RGS7: variants seen among roughly 807,000 people sequenced by gnomAD.
RGS7 encodes the protein regulator of G-protein signaling 7.
A neutral mutation model predicts 81.1 loss-of-function variants in RGS7; 27 were observed. That is an observed-to-expected ratio of 0.33 (90% CI 0.25 to 0.46). The LOEUF (loss-of-function observed/expected upper bound fraction) is 0.46, where lower values mean the gene tolerates loss of function less well. Among genes scored for constraint, RGS7 ranks in the 20% least tolerant of loss-of-function variants. The pLI is 1.00. For missense variants in RGS7, 396 were observed against 607.4 expected (o/e 0.65, Z 3.66); for synonymous variants, 208 against 207.7 (o/e 1.00, Z -0.01).
At chr1:241,288,842 T>G (rs1156448195) in intron 2 of RGS7, among the ~76,000 whole-genome samples, 1 of 152,164 alleles carries the variant, frequency 6.6e-6, no homozygotes, top group East Asian at 1.9e-4. Flanking sequence ...TGTTCCATGT[T>G]CAATGAGAGA....
At chr1:240,834,491 T>C (rs1373728770) in intron 9 of RGS7, among the ~76,000 whole-genome samples, 1 of 152,072 alleles carries the variant, frequency 6.6e-6, no homozygotes, top group Non-Finnish European at 1.5e-5. Flanking sequence ...TTTAATTCTT[T>C]ATTTTTATTT....
In RGS7 at chr1:241,013,028, A is replaced by G. The variant is rs74149580; in HGVS notation, c.176-29899T>C. 8.2e-3 allele frequency among the ~76,000 whole-genome samples: 1,224 copies of G among 149,886 alleles called. 14 individuals are homozygous for G. Among genetic ancestry groups the G allele is most frequent in the African/African-American group, 0.028 (1,143 of 40,814 alleles). On this transcript the variant is annotated intron_variant, in intron 3 of 18. Coordinates refer to ENST00000440928, the MANE Select transcript of RGS7 (RefSeq NM_001364886.1). The stretch of plus-strand genomic sequence containing the variant: ...CTCTTCTGTAACTTCAGGCTGGTAT[A>G]AAAATGTCAGCCATCTGACCCCTCC...
In RGS7 at chr1:241,290,268, T is replaced by C. The variant is rs999666676; in HGVS notation, c.78+65431A>G. Among the ~76,000 whole-genome samples, 6 of 152,184 alleles carry C rather than the reference T, an allele frequency of 3.9e-5. No individual in the cohort carries two copies. The East Asian group carries it at 9.6e-4, about 24-fold the overall frequency. ...AGCAGCTGATGCCAAAATGTGTGAT[T>C]CAGATGATTTGGAAATTAAGAGACA... On this transcript the variant is annotated intron_variant, in intron 2 of 18. Coordinates refer to ENST00000440928, the MANE Select transcript of RGS7 (RefSeq NM_001364886.1).
chr1:240,870,600 G>A (rs1024851447), intron 6 of RGS7, among the ~76,000 whole-genome samples: 9 of 151,896 alleles, frequency 5.9e-5, no homozygotes, highest in South Asian at 2.1e-4. Context: ...CTTCCACCTC[G>A]GCCTCTCAAA....
intron 2 of RGS7, among the ~76,000 whole-genome samples, chr1:241,322,825 A>AT (rs1451178931): frequency 6.6e-6 from 1 of 152,108 alleles, no homozygotes; most frequent in African/African-American, 2.4e-5. Context: ...TTTCCACAAG[A>AT]TTTTTTTTAA....
intron 2 of RGS7, among the ~76,000 whole-genome samples, chr1:241,355,198 CA>C (rs1171213926): frequency 2.6e-5 from 4 of 151,922 alleles, no homozygotes; most frequent in African/African-American, 7.3e-5. Flanking sequence ...TAGGCTAAGA[CA>C]AAAAAAGACT....
chr1:240,811,929 C>T lies in RGS7; in HGVS notation c.1071G>A (p.Ser357=), dbSNP rs751981801. The change falls in exon 14 of 19, where the codon TCG becomes TCA. Residue 357 remains serine, a synonymous_variant. Coordinates refer to ENST00000440928, the MANE Select transcript of RGS7 (RefSeq NM_001364886.1). ...GCAATGTGTTTTACCTTAAATTTTCCGAGCTGAATTCTGACTCTAGAAATT... is the reference window on the plus strand; with the variant it reads ...GCAATGTGTTTTACCTTAAATTTTCTGAGCTGAATTCTGACTCTAGAAATT... ...FLKFLESEFS[S]ENLRFWLAVE... is the part of the protein sequence containing the mutation. 51 of 1,612,408 alleles carry T rather than the reference C, an allele frequency of 3.2e-5. No individual in the cohort carries two copies. Among genetic ancestry groups the T allele is most frequent in the Admixed American group, 3.0e-4 (18 of 59,988 alleles).
intron 2 of RGS7, among the ~76,000 whole-genome samples, chr1:241,355,438 C>A (rs1184162207): frequency 6.6e-6 from 1 of 152,188 alleles, no homozygotes; most frequent in South Asian, 2.1e-4. Context: ...AATGCCCAAA[C>A]GTGCTGTCAT....
At chr1:241,079,095 A>G (rs933310064) in intron 3 of RGS7, among the ~76,000 whole-genome samples, 2 of 152,188 alleles carry the variant, frequency 1.3e-5, no homozygotes, top group South Asian at 4.1e-4. Flanking sequence ...AATGCGTCTA[A>G]GCTAGTAACA....
At chr1:241,353,655 T>C (rs1031301064) in intron 2 of RGS7, among the ~76,000 whole-genome samples, 1 of 152,110 alleles carries the variant, frequency 6.6e-6, no homozygotes, top group African/African-American at 2.4e-5. Context: ...TGGTCACTAA[T>C]AATAAGCAAA....
At chr1:241,173,574 CAGG>C (rs1378668414) in intron 2 of RGS7, among the ~76,000 whole-genome samples, 1 of 151,960 alleles carries the variant, frequency 6.6e-6, no homozygotes, top group Non-Finnish European at 1.5e-5. Flanking sequence ...TACTTGAGCC[CAGG>C]AGTTCAAGAC....
In RGS7 at chr1:241,144,964, T is replaced by TGTGTGTGTGTGTGTGTGTGTGTGTG. The variant is rs1479399427; in HGVS notation, c.79-46203_79-46202insCACACACACACACACACACACACAC. ...GTGTGTGTGTGTGTGTGTGTGTGTG[T>TGTGTGTGTGTGTGTGTGTGTGTGTG]TCGTGTTCATTCTTCCTGTTCCTGT... On this transcript the variant is annotated intron_variant, in intron 2 of 18. Coordinates refer to ENST00000440928, the MANE Select transcript of RGS7 (RefSeq NM_001364886.1). This position sits in a 1 kb window ranked among gnomAD's most constrained non-coding sequence, Gnocchi z 4.7. 3.2e-4 allele frequency among the ~76,000 whole-genome samples: 46 copies of TGTGTGTGTGTGTGTGTGTGTGTGTG among 144,508 alleles called. 1 individual carries two copies. Among genetic ancestry groups the TGTGTGTGTGTGTGTGTGTGTGTGTG allele is most frequent in the African/African-American group, 1.2e-3 (45 of 36,928 alleles). 94.8% of individuals were successfully genotyped at this position (144,508 alleles called of 152,430 possible). A position where few individuals can be genotyped will look rare whatever the true frequency, so the allele number is the denominator to read the frequency against.
intron 2 of RGS7, among the ~76,000 whole-genome samples, chr1:241,102,382 TG>T (rs1050935197): frequency 6.6e-6 from 1 of 152,008 alleles, no homozygotes; most frequent in African/African-American, 2.4e-5. Context: ...CATGATGGGA[TG>T]GGGGGTGGGA....
chr1:241,026,980 G>GA, intron 3 of RGS7, among the ~76,000 whole-genome samples: 1 of 145,756 alleles, frequency 6.9e-6, no homozygotes, highest in South Asian at 2.2e-4. Context: ...CATGTTTTAA[G>GA]AAAAAACAAG....
intron 6 of RGS7, among the ~76,000 whole-genome samples, chr1:240,903,816 C>G (rs1422038827): frequency 6.6e-6 from 1 of 152,112 alleles, no homozygotes; most frequent in Non-Finnish European, 1.5e-5. Context: ...TAAAAAGAGC[C>G]TTGCACTTTC....
At chr1:240,919,762 G>A (rs1487668627) in intron 6 of RGS7, 3 of 661,290 alleles carry the variant, frequency 4.5e-6, no homozygotes. Flanking sequence ...CAGCAATGGG[G>A]AATGCTCATG....
intron 3 of RGS7, among the ~76,000 whole-genome samples, chr1:241,070,316 GA>G (rs1244465992): frequency 1.2e-5 from 1 of 80,058 alleles, no homozygotes; most frequent in Non-Finnish European, 2.6e-5. Context: ...CACAGCTGAG[GA>G]GAAATGGAAA....
chr1:240,942,789 A>T (rs1032810884), intron 4 of RGS7, among the ~76,000 whole-genome samples: 1 of 152,362 alleles, frequency 6.6e-6, no homozygotes, highest in South Asian at 2.1e-4. Flanking sequence ...GGAAGTGGTC[A>T]TTTTAGAAAT....
chr1:240,933,140 A>G (rs261859), intron 5 of RGS7, among the ~76,000 whole-genome samples: 6,940 of 151,340 alleles, frequency 0.046, 251 homozygotes, highest in Middle Eastern at 0.071. Context: ...CCTCGGCCCC[A>G]CAAAGTGCTG....
Sources: gnomAD v4.1 joint callset for allele counts (sites outside exome capture counted in the v4.1 genomes callset) on GRCh38, gnomAD v4.1.1 for gene constraint, Gnocchi (gnomAD v3.1) non-coding constraint, MANE v1.5 for transcripts, NCBI Gene and HGNC (gene_info 2026-07-23, HGNC 2026-07-21) for gene names.